The following CCDC171 variants were observed in gnomAD, a reference collection of about 807,000 sequenced individuals.
CCDC171 encodes coiled-coil domain containing 171, also known as coiled-coil domain-containing protein 171.
Under a neutral mutation model 168.2 loss-of-function variants are expected in CCDC171, and 177 were observed. The ratio of observed to expected loss-of-function variants is 1.05; its 90% CI spans 0.93 to 1.19. The LOEUF is 1.19. Ranked by LOEUF, CCDC171 falls within the 50% of genes most tolerant of loss-of-function variation. The pLI is 0.00. For missense variants in CCDC171, 1,991 were observed against 1,539.0 expected (o/e 1.29, Z -4.91); for synonymous variants, 687 against 540.8 (o/e 1.27, Z -3.75).
chr9:15,692,812 C>A (rs886076806), intron 10 of CCDC171, among the ~76,000 whole-genome samples: 5 of 149,954 alleles, frequency 3.3e-5, no homozygotes, highest in Admixed American at 2.0e-4. Context: ...CAGGCGTGAG[C>A]CACAGCTCCC....
At chr9:15,857,079 G>A (rs2061374041) in intron 23 of CCDC171, among the ~76,000 whole-genome samples, 1 of 151,880 alleles carries the variant, frequency 6.6e-6, no homozygotes, top group African/African-American at 2.4e-5. Context: ...TTGCTATTAA[G>A]TTGTATAGAG....
intron 20 of CCDC171, among the ~76,000 whole-genome samples, chr9:15,781,053 G>GTA (rs2135439881): frequency 1.3e-5 from 2 of 152,256 alleles, no homozygotes; most frequent in East Asian, 3.9e-4. Context: ...GAGATTTAGA[G>GTA]TATAGTCAAC....
intron 18 of CCDC171, among the ~76,000 whole-genome samples, chr9:15,746,276 G>T (rs1360477799): frequency 1.3e-5 from 2 of 152,124 alleles, no homozygotes; most frequent in Non-Finnish European, 1.5e-5. Flanking sequence ...CTTAAGATTT[G>T]TCTGTTTAAT....
intron 11 of CCDC171, among the ~76,000 whole-genome samples, chr9:15,712,293 A>G (rs1469003330): frequency 6.6e-6 from 1 of 152,120 alleles, no homozygotes; most frequent in East Asian, 1.9e-4. Context: ...AGGCTGATAA[A>G]AAATTCACCA....
intron 21 of CCDC171, among the ~76,000 whole-genome samples, chr9:15,827,137 A>G (rs1002053082): frequency 3.9e-5 from 6 of 152,132 alleles, no homozygotes; most frequent in Non-Finnish European, 8.8e-5. Flanking sequence ...ACTCGTAGCT[A>G]GTTGCCTATT....
At chr9:15,830,593 C>T (rs2060190210) in intron 21 of CCDC171, among the ~76,000 whole-genome samples, 1 of 152,130 alleles carries the variant, frequency 6.6e-6, no homozygotes, top group Non-Finnish European at 1.5e-5. Context: ...TCCGCTTTAC[C>T]ATGTAGAACA....
intron 18 of CCDC171, among the ~76,000 whole-genome samples, chr9:15,749,384 C>T (rs1417662625): frequency 6.6e-6 from 1 of 152,082 alleles, no homozygotes; most frequent in Non-Finnish European, 1.5e-5. Flanking sequence ...GAGACTTTAA[C>T]ACTCCACTGT....
At chr9:15,873,132 A>G (rs1447090566) in intron 23 of CCDC171, among the ~76,000 whole-genome samples, 1 of 152,064 alleles carries the variant, frequency 6.6e-6, no homozygotes, top group Non-Finnish European at 1.5e-5. Flanking sequence ...AGCTTGGGAC[A>G]TATAAGGATT....
the CCDC171 span, among the ~76,000 whole-genome samples, chr9:16,078,956 AG>A: frequency 3.1e-4 from 47 of 152,348 alleles, no homozygotes; most frequent in Middle Eastern, 0.014. Context: ...TCGGCCTTGA[AG>A]GGGTCACCAC....
At chr9:15,574,051 T>G (rs1279262858) in intron 3 of CCDC171, among the ~76,000 whole-genome samples, 1 of 152,194 alleles carries the variant, frequency 6.6e-6, no homozygotes, top group Non-Finnish European at 1.5e-5. Flanking sequence ...AGGGAAGGAA[T>G]ACAGTTTTCT....
chr9:15,784,831 T>C, intron 21 of CCDC171, 137 bp downstream of exon 21: 1 of 610,384 alleles, frequency 1.6e-6, no homozygotes, highest in Admixed American at 3.5e-5. Context: ...ATGAAACATG[T>C]TTCTGAGACC....
At chr9:15,622,821 A>G (rs2044609002) in intron 6 of CCDC171, among the ~76,000 whole-genome samples, 1 of 152,220 alleles carries the variant, frequency 6.6e-6, no homozygotes, top group Non-Finnish European at 1.5e-5. Flanking sequence ...AAAAGCTGTA[A>G]GCATGTAATT....
At chr9:15,694,165 T>C (rs1208840647) in intron 10 of CCDC171, among the ~76,000 whole-genome samples, 1 of 152,166 alleles carries the variant, frequency 6.6e-6, no homozygotes, top group Non-Finnish European at 1.5e-5. Context: ...GTTTGCTGAC[T>C]TCTTTTCTAA....
At chr9:15,807,550 A>T (rs1286450957) in intron 21 of CCDC171, among the ~76,000 whole-genome samples, 5 of 151,856 alleles carry the variant, frequency 3.3e-5, no homozygotes, top group Admixed American at 2.0e-4. Context: ...ATAAATGTAG[A>T]CTCACCACAT....
intron 25 of CCDC171, among the ~76,000 whole-genome samples, chr9:15,945,504 A>C (rs1828245827): frequency 6.7e-6 from 1 of 149,834 alleles, no homozygotes; most frequent in Non-Finnish European, 1.5e-5. Context: ...CAACAGTGTA[A>C]AAGTGTTCCT....
chr9:15,934,704 C>G (rs1826914635), intron 25 of CCDC171, among the ~76,000 whole-genome samples: 2 of 151,996 alleles, frequency 1.3e-5, no homozygotes, highest in South Asian at 4.1e-4. Context: ...TACTTGTATA[C>G]AAATGTCTAT....
intron 3 of CCDC171, among the ~76,000 whole-genome samples, chr9:15,984,241 T>G (rs1411604694): frequency 1.8e-5 from 1 of 56,056 alleles, no homozygotes; most frequent in East Asian, 4.0e-4. Context: ...CTTCCAGGCC[T>G]CAGAAAGCAT....
chr9:15,982,666 C>T (rs1226409791), intron 3 of CCDC171, among the ~76,000 whole-genome samples: 2 of 152,130 alleles, frequency 1.3e-5, no homozygotes, highest in Non-Finnish European at 2.9e-5. Context: ...TTCTGTGCCT[C>T]TGCTTCCTTC....
At chr9:15,793,550 G>C (rs1418465239) in intron 21 of CCDC171, among the ~76,000 whole-genome samples, 1 of 90,058 alleles carries the variant, frequency 1.1e-5, no homozygotes, top group African/African-American at 4.9e-5. Flanking sequence ...CTTATTCCAA[G>C]GTTTTTTTTT....
Sources: gnomAD v4.1 joint callset for allele counts (sites outside exome capture counted in the v4.1 genomes callset) on GRCh38, gnomAD v4.1.1 for gene constraint, MANE v1.5 for transcripts, NCBI Gene and HGNC (gene_info 2026-07-23, HGNC 2026-07-21) for gene names.